The following DGKI variants were observed in gnomAD, a reference collection of about 807,000 sequenced individuals.
DGKI encodes DAG kinase iota.
In DGKI, 55 loss-of-function variants were observed where a neutral mutation model predicts 147.5. That is an observed-to-expected ratio of 0.37 (90% confidence interval 0.30 to 0.47). The LOEUF is 0.47. DGKI is among the 20% of genes least tolerant of loss of function. DGKI has a pLI of 1.00. For synonymous variants in DGKI, 469 were observed against 477.1 expected (o/e 0.98, Z 0.22); for missense variants, 1,007 against 1,323.8 (o/e 0.76, Z 3.71).
chr7:137,476,794 T>G (rs2128931691), intron 23 of DGKI, among the ~76,000 whole-genome samples: 1 of 152,332 alleles, frequency 6.6e-6, no homozygotes, highest in South Asian at 2.1e-4. Context: ...GGTGAGAATT[T>G]AAGTAAACTA....
At chr7:137,550,771 A>G (rs1818018988) in intron 20 of DGKI, among the ~76,000 whole-genome samples, 1 of 152,222 alleles carries the variant, frequency 6.6e-6, no homozygotes, top group Non-Finnish European at 1.5e-5. Flanking sequence ...TTCTCTGCCT[A>G]TATATAGTAA....
intron 1 of DGKI, among the ~76,000 whole-genome samples, chr7:137,691,817 T>C (rs1585376732): frequency 7.1e-6 from 1 of 140,666 alleles, no homozygotes; most frequent in East Asian, 2.0e-4. Context: ...TTTTTTTTTT[T>C]TTTTAAGCCT....
At chr7:137,652,483 C>G (rs1156338928) in intron 5 of DGKI, among the ~76,000 whole-genome samples, 1 of 152,090 alleles carries the variant, frequency 6.6e-6, no homozygotes, top group African/African-American at 2.4e-5. Context: ...TTGAAACAAC[C>G]CCTTCTAGTT....
At chr7:137,807,589 G>A (rs561355000) in intron 1 of DGKI, among the ~76,000 whole-genome samples, 2 of 152,170 alleles carry the variant, frequency 1.3e-5, no homozygotes, top group African/African-American at 2.4e-5. Context: ...ATCATCTGGG[G>A]ACCCTGTTAA....
chr7:137,620,284 GT>G (rs1432753438), intron 7 of DGKI, among the ~76,000 whole-genome samples: 1 of 152,162 alleles, frequency 6.6e-6, no homozygotes, highest in Non-Finnish European at 1.5e-5. Context: ...TTACTTAAAA[GT>G]TTTAGAGTCT....
At chr7:137,639,336 G>A (rs1821536357) in intron 6 of DGKI, among the ~76,000 whole-genome samples, 1 of 152,192 alleles carries the variant, frequency 6.6e-6, no homozygotes, top group Non-Finnish European at 1.5e-5. Flanking sequence ...GCCCTGCTGA[G>A]GAAGTGAGGA....
At chr7:137,699,220 AC>A (rs991936196) in intron 1 of DGKI, among the ~76,000 whole-genome samples, 3 of 151,908 alleles carry the variant, frequency 2.0e-5, no homozygotes, top group Non-Finnish European at 4.4e-5. Flanking sequence ...ACTCATGCAG[AC>A]TCCACCCTCA....
At chr7:137,505,503 A>G (rs370098599) in intron 21 of DGKI, among the ~76,000 whole-genome samples, 1 of 152,212 alleles carries the variant, frequency 6.6e-6, no homozygotes, top group Non-Finnish European at 1.5e-5. Flanking sequence ...TACAGGGGGA[A>G]AGCTTAGTAA....
chr7:137,461,291 C>T (rs1814433134), intron 27 of DGKI, among the ~76,000 whole-genome samples: 1 of 152,164 alleles, frequency 6.6e-6, no homozygotes, highest in African/African-American at 2.4e-5. Context: ...CTCTAGGAGC[C>T]TCAGTTTACT....
At chr7:137,555,769 C>T (rs1242449188) in intron 19 of DGKI, among the ~76,000 whole-genome samples, 1 of 152,030 alleles carries the variant, frequency 6.6e-6, no homozygotes, top group East Asian at 1.9e-4. Context: ...CCCACTACCC[C>T]CTCCCCAAAA....
intron 3 of DGKI, 30 bp from the exon 4 acceptor site, chr7:137,656,570 G>T (rs753769984): frequency 6.2e-7 from 1 of 1,609,052 alleles, no homozygotes. Context: ...AGACAAAAAA[G>T]AAATGTTAAC....
rs917784526 is a variant in DGKI at position 137,444,125 on chromosome 7, A to G, written c.2736-23T>C. Reference sequence around the variant, plus strand: ...GACCTAAAAGGAAATAATAAGCATGATCAATATTTTATATGATAATTATAA... The same window carrying G: ...GACCTAAAAGGAAATAATAAGCATGGTCAATATTTTATATGATAATTATAA... On this transcript the variant is annotated intron_variant, in intron 27 of 32. Coordinates refer to ENST00000614521, the MANE Select transcript of DGKI (RefSeq NM_001321708.2). 4.5e-6 allele frequency: 6 copies of G among 1,339,044 alleles called. No homozygotes were observed. In the African/African-American group the frequency reaches 8.9e-5, roughly 20 times the overall value. 82.9% of individuals were successfully genotyped at this position (1,339,044 alleles called of 1,614,324 possible).
At position 137,394,249 on chromosome 7, in the gene DGKI, C is replaced by T. The variant is rs534850245; in HGVS notation, c.3057+1349G>A. 4.1e-4 allele frequency among the ~76,000 whole-genome samples: 62 copies of T among 152,242 alleles called. 2 individuals carry two copies. In the South Asian group the frequency reaches 6.0e-3, roughly 15 times the overall value. On this transcript the variant is annotated intron_variant, in intron 32 of 32. Transcript: ENST00000614521. The stretch of plus-strand genomic sequence containing the variant: ...ATGCGAATGAGGCTCAATGGAAATT[C>T]GTAAACTTTCTTAAAACATCGTAAG...
At chr7:137,594,937 G>T (rs78561954) in intron 12 of DGKI, among the ~76,000 whole-genome samples, 2,478 of 152,236 alleles carry the variant, frequency 0.016, 48 homozygotes, top group African/African-American at 0.055. Flanking sequence ...TGTTACCACT[G>T]ACAAAAATAA....
intron 1 of DGKI, among the ~76,000 whole-genome samples, chr7:137,842,429 C>T (rs1410452219): frequency 1.3e-5 from 2 of 152,196 alleles, no homozygotes; most frequent in Non-Finnish European, 2.9e-5. Context: ...GCTCCTATTT[C>T]TATCTCATAC....
At chr7:137,571,407 G>T (rs1818789323) in intron 18 of DGKI, 121 bp from the exon 19 acceptor site, 1 of 665,716 alleles carries the variant, frequency 1.5e-6, no homozygotes, top group Non-Finnish European at 2.6e-6. Flanking sequence ...TCCATTCTTG[G>T]TACACACCTT....
chr7:137,795,349 C>A lies in DGKI; in HGVS notation c.401+51113G>T, dbSNP rs150428528. Among the ~76,000 whole-genome samples, 90 of 152,278 alleles carry A rather than the reference C, an allele frequency of 5.9e-4. 1 individual carries two copies. The highest frequency in any genetic ancestry group is 2.0e-3 in the African/African-American group (84 of 41,560). On this transcript the variant is annotated intron_variant, in intron 1 of 32. Coordinates refer to ENST00000614521, the MANE Select transcript of DGKI (RefSeq NM_001321708.2). Reference sequence around the variant, plus strand: ...GAGCAGAATAGGTTTGGATCCGCCACAAAAGGCCCATCCTCAGAGAATTAT... The same window carrying A: ...GAGCAGAATAGGTTTGGATCCGCCAAAAAAGGCCCATCCTCAGAGAATTAT...
At chr7:137,539,693 A>C (rs1342252468) in intron 20 of DGKI, among the ~76,000 whole-genome samples, 1 of 152,018 alleles carries the variant, frequency 6.6e-6, no homozygotes, top group Admixed American at 6.6e-5. Context: ...CTTTAGAAAA[A>C]AATGGGAAAA....
intron 28 of DGKI, among the ~76,000 whole-genome samples, chr7:137,438,662 C>A (rs932207951): frequency 1.3e-5 from 2 of 151,998 alleles, no homozygotes; most frequent in Non-Finnish European, 2.9e-5. Flanking sequence ...CAAAAACAAA[C>A]CCCCAAGAAA....
Sources: gnomAD v4.1 joint callset for allele counts (sites outside exome capture counted in the v4.1 genomes callset) on GRCh38, gnomAD v4.1.1 for gene constraint, MANE v1.5 for transcripts, NCBI Gene and HGNC (gene_info 2026-07-23, HGNC 2026-07-21) for gene names.